Variants in DIP2C observed in about 807,000 individuals in gnomAD.
DIP2C encodes the protein disco-interacting protein 2 homolog C.
DIP2C carries 33 observed loss-of-function variants against 192.4 expected under a neutral mutation model. The ratio of observed to expected loss-of-function variants is 0.17; its 90% CI spans 0.13 to 0.23. The LOEUF (loss-of-function observed/expected upper bound fraction) is 0.23. Ranked by LOEUF, DIP2C falls within the 10% of genes least tolerant of loss-of-function variation. DIP2C has a pLI of 1.00. For synonymous variants in DIP2C, 979 were observed against 864.1 expected (o/e 1.13, Z -2.33); for missense variants, 1,537 against 2,110.1 (o/e 0.73, Z 5.32).
intron 9 of DIP2C, among the ~76,000 whole-genome samples, chr10:399,423 A>G (rs1224935360): frequency 6.6e-6 from 1 of 152,250 alleles, no homozygotes; most frequent in African/African-American, 2.4e-5. Context: ...ACAGTCGTCT[A>G]TGATACTGTC....
intron 3 of DIP2C, among the ~76,000 whole-genome samples, chr10:466,270 G>C (rs1408740440): frequency 6.6e-6 from 1 of 151,268 alleles, no homozygotes; most frequent in Non-Finnish European, 1.5e-5. Context: ...ACAAACCTGA[G>C]AAAAACAAGC....
rs1035267251 is a variant in DIP2C at position 586,165 on chromosome 10, C to T, written c.86-99635G>A. ...CCACGTTTCCTTCTATTTCTCACAA[C>T]TTCTCTGGGAGAGAGAATTAAATTG... On this transcript the variant is annotated intron_variant, in intron 1 of 36. Transcript: ENST00000280886. 2.6e-5 allele frequency among the ~76,000 whole-genome samples: 4 copies of T among 152,172 alleles called. No homozygotes were observed. The East Asian group carries it at 7.7e-4, about 29-fold the overall frequency.
chr10:448,733 T>G (rs1201373293), intron 3 of DIP2C, among the ~76,000 whole-genome samples: 1,224 of 49,708 alleles, frequency 0.025, no homozygotes, highest in Middle Eastern at 0.13. Flanking sequence ...TCAATACTCA[T>G]GATCACACAC....
chr10:418,707 CTCT>C (rs750908830), intron 6 of DIP2C, among the ~76,000 whole-genome samples: 3 of 152,242 alleles, frequency 2.0e-5, no homozygotes, highest in South Asian at 2.1e-4. Context: ...CTTCATCTTG[CTCT>C]TCTAAGTGAC....
At chr10:344,328 C>T (rs1394603838) in intron 28 of DIP2C, among the ~76,000 whole-genome samples, 8 of 150,864 alleles carry the variant, frequency 5.3e-5, no homozygotes, top group Non-Finnish European at 1.0e-4. Flanking sequence ...CCAGCTCACC[C>T]GTCAGACCCA....
At chr10:314,857 A>G (rs1374555830) in intron 31 of DIP2C, among the ~76,000 whole-genome samples, 2 of 152,140 alleles carry the variant, frequency 1.3e-5, no homozygotes, top group African/African-American at 4.8e-5. Flanking sequence ...GTCTTATACT[A>G]CTGCATTAGG....
chr10:481,081 G>C (rs568092200), intron 2 of DIP2C, among the ~76,000 whole-genome samples: 1 of 152,100 alleles, frequency 6.6e-6, no homozygotes, highest in African/African-American at 2.4e-5. Context: ...TCTAGGAAGC[G>C]CTGCCTTGGG....
intron 1 of DIP2C, among the ~76,000 whole-genome samples, chr10:647,588 G>C (rs980857451): frequency 4.6e-5 from 7 of 150,912 alleles, no homozygotes; most frequent in African/African-American, 1.5e-4. Flanking sequence ...GACGGTGGGA[G>C]AGAACAGAGG....
chr10:364,406 G>A lies in DIP2C; in HGVS notation c.2445C>T (p.Ala815=), dbSNP rs559949852. 3.1e-5 allele frequency: 50 copies of A among 1,613,940 alleles called. No individual in the cohort carries two copies. The highest frequency in any genetic ancestry group is 1.9e-4 in the South Asian group (17 of 91,066). The part of the protein sequence containing the change: ...NADDIVATAL[A]VEPMKFVYRG... ...GGTAGACAAACTTCATGGGTTCTAC[G>A]GCCAGCGCAGTGGCCACGATGTCGT... is the stretch of plus-strand genomic sequence containing the variant. Residue 815 remains alanine (A), a synonymous_variant, in exon 20 of 37, where the codon GCC becomes GCT. Coordinates refer to ENST00000280886, the MANE Select transcript of DIP2C (RefSeq NM_014974.3).
chr10:384,271 C>CTTTTTTTTTTTT, intron 15 of DIP2C, 125 bp from the exon 16 acceptor site: 1 of 300,576 alleles, frequency 3.3e-6, no homozygotes, highest in Admixed American at 1.0e-4. Flanking sequence ...CCCCACAAAC[C>CTTTTTTTTTTTT]TTTTTTTTTT....
chr10:548,795 C>T (rs957507381), intron 1 of DIP2C, among the ~76,000 whole-genome samples: 2 of 151,026 alleles, frequency 1.3e-5, no homozygotes, highest in African/African-American at 4.9e-5. Context: ...GATGTTACAT[C>T]TAACTTTAAA....
At chr10:392,742 ACACT>A (rs1193554270) in intron 10 of DIP2C, among the ~76,000 whole-genome samples, 4 of 32,300 alleles carry the variant, frequency 1.2e-4, no homozygotes, top group East Asian at 6.6e-3. Context: ...ACACGCGCAC[ACACT>A]CACATACACA....
chr10:617,760 G>A (rs1009208941), intron 1 of DIP2C, among the ~76,000 whole-genome samples: 3 of 148,606 alleles, frequency 2.0e-5, no homozygotes, highest in African/African-American at 7.5e-5. Flanking sequence ...TGCACGTAAT[G>A]ACCTGCCACA....
Position 574,683 on chromosome 10 carries a change from T to A in DIP2C, c.86-88153A>T, listed in dbSNP as rs747682237. On this transcript the variant is annotated intron_variant, in intron 1 of 36. Transcript: ENST00000280886. ...AACCTTCAGCTCCCATTGATAAAGT[T>A]TGCCATAACCACAGAGGTGTTTATC... Among the ~76,000 whole-genome samples the A allele has an allele frequency of 6.6e-5, 10 of 152,206 alleles. No homozygotes were observed. In the South Asian group the frequency reaches 1.7e-3, roughly 25 times the overall value.
intron 1 of DIP2C, among the ~76,000 whole-genome samples, chr10:488,957 G>A (rs1465758128): frequency 1.3e-5 from 2 of 152,202 alleles, no homozygotes; most frequent in Non-Finnish European, 2.9e-5. Flanking sequence ...TGACTGGCTG[G>A]GAGTGCGCTG....
chr10:605,393 A>G (rs1852387296), intron 1 of DIP2C, among the ~76,000 whole-genome samples: 1 of 152,088 alleles, frequency 6.6e-6, no homozygotes, highest in South Asian at 2.1e-4. Flanking sequence ...TCAATTTATC[A>G]CTCATGATTC....
At chr10:551,017 T>C (rs150389149) in intron 1 of DIP2C, among the ~76,000 whole-genome samples, 1 of 150,578 alleles carries the variant, frequency 6.6e-6, no homozygotes, top group Non-Finnish European at 1.5e-5. Context: ...CGGGCCTCGA[T>C]TTCCCCCTCT....
intron 6 of DIP2C, among the ~76,000 whole-genome samples, chr10:417,669 G>GCCTCCCTGTCC: frequency 1.9e-4 from 1 of 5,348 alleles, no homozygotes; most frequent in South Asian, 0.011. Flanking sequence ...TTCCTGTCAG[G>GCCTCCCTGTCC]GCTCGGATAG....
At chr10:356,870 C>G (rs1449548160) in intron 23 of DIP2C, among the ~76,000 whole-genome samples, 1 of 152,216 alleles carries the variant, frequency 6.6e-6, no homozygotes, top group Admixed American at 6.5e-5. Flanking sequence ...AATCCCTTCT[C>G]CTGGGGCTTC....
Sources: gnomAD v4.1 joint callset for allele counts (sites outside exome capture counted in the v4.1 genomes callset) on GRCh38, gnomAD v4.1.1 for gene constraint, MANE v1.5 for transcripts, NCBI Gene and HGNC (gene_info 2026-07-23, HGNC 2026-07-21) for gene names.